The following HS6ST3 variants were observed in gnomAD, a reference collection of about 807,000 sequenced individuals.
The protein encoded by HS6ST3 is heparan sulfate 6-O-sulfotransferase 3, also known as heparan-sulfate 6-O-sulfotransferase 3.
A neutral mutation model predicts 36.7 loss-of-function variants in HS6ST3; 12 were observed. That is an observed-to-expected ratio of 0.33 (90% CI 0.21 to 0.53). HS6ST3 has a LOEUF of 0.53. HS6ST3 is among the 20% of genes least tolerant of loss of function. HS6ST3 has a pLI of 0.95. For missense variants in HS6ST3, 584 were observed against 640.9 expected (o/e 0.91, Z 0.96); for synonymous variants, 240 against 257.5 (o/e 0.93, Z 0.65).
In HS6ST3 at chr13:96,480,773, G is replaced by A. The variant is rs75058579; in HGVS notation, c.708-351717G>A. On this transcript the variant is annotated intron_variant, in intron 1 of 1. Transcript: ENST00000376705. The stretch of plus-strand genomic sequence containing the variant: ...AGTGGTTTGCAGGGAAGTTTAGTGC[G>A]ATACTGGGAAGTGACTCCCCAGCAA... Among the ~76,000 whole-genome samples the A allele has an allele frequency of 9.6e-4, 146 of 152,220 alleles. 4 individuals carry two copies. The East Asian group carries it at 0.025, about 26-fold the overall frequency.
intron 1 of HS6ST3, among the ~76,000 whole-genome samples, chr13:96,651,053 C>G (rs1202859785): frequency 6.6e-6 from 1 of 152,016 alleles, no homozygotes; most frequent in Non-Finnish European, 1.5e-5. Context: ...TAATACCTCC[C>G]TATTGGCTAC....
At chr13:96,493,533 T>C (rs1051447744) in intron 1 of HS6ST3, among the ~76,000 whole-genome samples, 1 of 152,206 alleles carries the variant, frequency 6.6e-6, no homozygotes, top group East Asian at 1.9e-4. Context: ...ACAGTGTGGG[T>C]ACTTTTGGTT....
At chr13:96,707,238 A>T (rs980011567) in intron 1 of HS6ST3, among the ~76,000 whole-genome samples, 4 of 152,170 alleles carry the variant, frequency 2.6e-5, no homozygotes, top group African/African-American at 9.7e-5. Context: ...AGAAGAAACA[A>T]GAGAGAGATG....
intron 1 of HS6ST3, among the ~76,000 whole-genome samples, chr13:96,138,994 A>G (rs1227244239): frequency 6.6e-6 from 1 of 152,146 alleles, no homozygotes; most frequent in Non-Finnish European, 1.5e-5. Flanking sequence ...AAATCAGAAT[A>G]CATTATTTTA....
intron 1 of HS6ST3, among the ~76,000 whole-genome samples, chr13:96,770,037 C>G (rs184872335): frequency 3.8e-3 from 575 of 152,262 alleles, no homozygotes; most frequent in Non-Finnish European, 6.1e-3. Flanking sequence ...GGCTTTCACT[C>G]TTGCCCTTGA....
chr13:96,123,629 A>G (rs2053936929), intron 1 of HS6ST3, among the ~76,000 whole-genome samples: 1 of 152,194 alleles, frequency 6.6e-6, no homozygotes, highest in Non-Finnish European at 1.5e-5. Flanking sequence ...ACTGGTTTCC[A>G]TTACTGAGGA....
intron 1 of HS6ST3, among the ~76,000 whole-genome samples, chr13:96,556,768 C>G (rs2056242560): frequency 2.0e-5 from 3 of 152,132 alleles, no homozygotes; most frequent in Admixed American, 2.0e-4. Flanking sequence ...GTGTTCCCAA[C>G]CATCCACTTC....
At chr13:96,509,716 T>C (rs993508433) in intron 1 of HS6ST3, among the ~76,000 whole-genome samples, 4 of 152,242 alleles carry the variant, frequency 2.6e-5, no homozygotes, top group African/African-American at 4.8e-5. Context: ...ACTACTTTTA[T>C]ACCAGTAACC....
intron 1 of HS6ST3, among the ~76,000 whole-genome samples, chr13:96,383,109 T>G (rs1445138879): frequency 1.3e-5 from 2 of 152,064 alleles, no homozygotes; most frequent in Non-Finnish European, 1.5e-5. Flanking sequence ...TCTAGAAAAA[T>G]TCGTCAGTTA....
intron 1 of HS6ST3, among the ~76,000 whole-genome samples, chr13:96,818,064 A>G (rs1397003948): frequency 1.3e-5 from 2 of 152,350 alleles, no homozygotes; most frequent in Admixed American, 6.5e-5. Flanking sequence ...TAAGAAATGA[A>G]TGTTGAAAGC....
chr13:96,523,075 A>G (rs577374744), intron 1 of HS6ST3, among the ~76,000 whole-genome samples: 1 of 152,192 alleles, frequency 6.6e-6, no homozygotes, highest in Admixed American at 6.5e-5. Context: ...AAAATCTCTT[A>G]TCATTTGCTT....
intron 1 of HS6ST3, among the ~76,000 whole-genome samples, chr13:96,535,983 G>C (rs528637518): frequency 6.6e-6 from 1 of 152,210 alleles, no homozygotes; most frequent in Non-Finnish European, 1.5e-5. Flanking sequence ...TGCACATGGA[G>C]TTATATTTAT....
intron 1 of HS6ST3, among the ~76,000 whole-genome samples, chr13:96,742,592 TAAAAG>T (rs1466699462): frequency 6.6e-6 from 1 of 152,124 alleles, no homozygotes; most frequent in Non-Finnish European, 1.5e-5. Flanking sequence ...ATGCACATCT[TAAAAG>T]AACAAGAGCA....
chr13:96,358,829 C>A (rs1369026721), intron 1 of HS6ST3, among the ~76,000 whole-genome samples: 8 of 151,974 alleles, frequency 5.3e-5, no homozygotes, highest in Non-Finnish European at 1.0e-4. Flanking sequence ...ATGCTGTCTG[C>A]AACCAACCTT....
At chr13:96,280,806 G>A (rs2054771967) in intron 1 of HS6ST3, among the ~76,000 whole-genome samples, 2 of 152,102 alleles carry the variant, frequency 1.3e-5, no homozygotes, top group African/African-American at 4.8e-5. Flanking sequence ...TATTGCAACA[G>A]AATAAGAGAA....
chr13:96,119,017 A>G (rs1378528095), intron 1 of HS6ST3, among the ~76,000 whole-genome samples: 1 of 152,118 alleles, frequency 6.6e-6, no homozygotes, highest in Admixed American at 6.5e-5. Context: ...GCCACATTAA[A>G]GATATTTGCT....
intron 1 of HS6ST3, among the ~76,000 whole-genome samples, chr13:96,539,189 G>C (rs2389697): frequency 0.086 from 13,054 of 152,176 alleles, 1,032 homozygotes; most frequent in African/African-American, 0.21. Flanking sequence ...AATAGGGAAA[G>C]TATAAACTTA....
intron 1 of HS6ST3, among the ~76,000 whole-genome samples, chr13:96,779,483 T>G (rs1041399736): frequency 6.6e-6 from 1 of 152,032 alleles, no homozygotes; most frequent in Non-Finnish European, 1.5e-5. Context: ...GTGAATATAG[T>G]GCAAAAAATA....
chr13:96,810,997 C>G (rs1878305812), intron 1 of HS6ST3, among the ~76,000 whole-genome samples: 1 of 152,128 alleles, frequency 6.6e-6, no homozygotes, highest in Non-Finnish European at 1.5e-5. Flanking sequence ...AACAAATTCT[C>G]TAGAGATCCC....
Sources: allele counts gnomAD v4.1 joint callset (sites outside exome capture counted in the v4.1 genomes callset), GRCh38; gene constraint gnomAD v4.1.1; transcripts MANE v1.5; gene names NCBI Gene and HGNC (gene_info 2026-07-23, HGNC 2026-07-21).